Variants in EPG5 observed in about 807,000 individuals in gnomAD.
EPG5 encodes ectopic P-granules 5 autophagy tethering factor.
In EPG5, 159 loss-of-function variants were observed where a neutral mutation model predicts 302.7. That is an observed-to-expected ratio of 0.53 (90% confidence interval 0.46 to 0.60). The LOEUF (loss-of-function observed/expected upper bound fraction) is 0.60, where lower values mean the gene tolerates loss of function less well. Ranked by LOEUF, EPG5 falls within the 20% of genes least tolerant of loss-of-function variation. EPG5 has a pLI of 0.00. For missense variants in EPG5, 2,896 were observed against 3,092.4 expected (o/e 0.94, Z 1.51); for synonymous variants, 1,158 against 1,136.8 (o/e 1.02, Z -0.37).
At chr18:45,827,593 G>A in the EPG5 span, among the ~76,000 whole-genome samples, 1 of 152,234 alleles carries the variant, frequency 6.6e-6, no homozygotes, top group Non-Finnish European at 1.5e-5. Context: ...CCTTGGGCAG[G>A]CTGTCTACCT....
the EPG5 span, chr18:45,842,277 G>C: frequency 6.8e-7 from 1 of 1,464,794 alleles, no homozygotes; most frequent in Non-Finnish European, 9.5e-7. Flanking sequence ...CCTGGTTCTC[G>C]GGCACCTTGG....
chr18:45,891,851 A>C (rs1321131193), intron 27 of EPG5, among the ~76,000 whole-genome samples: 1 of 152,232 alleles, frequency 6.6e-6, no homozygotes, highest in Non-Finnish European at 1.5e-5. Context: ...ATTAAATTTG[A>C]AATCTTTCAA....
At chr18:45,802,208 T>A in the EPG5 span, among the ~76,000 whole-genome samples, 1 of 152,098 alleles carries the variant, frequency 6.6e-6, no homozygotes, top group Admixed American at 6.6e-5. Flanking sequence ...CTACAACAAG[T>A]ACTGGCACTG....
the EPG5 span, chr18:45,837,830 G>A: frequency 6.5e-7 from 1 of 1,535,704 alleles, no homozygotes. Context: ...CTTCTGCCGC[G>A]TCGAGTTCGC....
At chr18:45,921,544 T>C (rs779439959) in intron 16 of EPG5, among the ~76,000 whole-genome samples, 2 of 152,204 alleles carry the variant, frequency 1.3e-5, no homozygotes, top group Non-Finnish European at 2.9e-5. Flanking sequence ...ACTTCTCTCA[T>C]AGAAGTTATA....
chr18:45,964,253 C>T (rs1320589058), intron 1 of EPG5, among the ~76,000 whole-genome samples: 1 of 152,162 alleles, frequency 6.6e-6, no homozygotes, highest in Non-Finnish European at 1.5e-5. Context: ...GCATCTGTAA[C>T]ATTCTATCTA....
intron 10 of EPG5, among the ~76,000 whole-genome samples, chr18:45,936,332 C>T (rs1245943078): frequency 6.6e-6 from 1 of 152,172 alleles, no homozygotes; most frequent in Non-Finnish European, 1.5e-5. Context: ...ATCTCAAAAA[C>T]AATCAGCACT....
intron 10 of EPG5, among the ~76,000 whole-genome samples, chr18:45,937,285 T>C (rs1040707259): frequency 5.4e-5 from 8 of 147,164 alleles, no homozygotes; most frequent in African/African-American, 2.0e-4. Context: ...CACATATGTA[T>C]ACACACACAT....
intron 1 of EPG5, among the ~76,000 whole-genome samples, chr18:45,961,329 C>G (rs565060663): frequency 7.2e-5 from 11 of 152,186 alleles, no homozygotes; most frequent in Non-Finnish European, 1.2e-4. Context: ...TAAAAGCTCA[C>G]GCAAGGCCCA....
At chr18:45,843,877 A>C (rs1220323582), downstream of EPG5, 1 of 152,152 alleles carries the variant, frequency 6.6e-6, no homozygotes, top group African/African-American at 2.4e-5. Flanking sequence ...ACTGTCTCCA[A>C]AGAAAAAAAA....
chr18:45,877,101 T>C (rs913130990), intron 34 of EPG5, among the ~76,000 whole-genome samples: 12 of 152,030 alleles, frequency 7.9e-5, no homozygotes, highest in Non-Finnish European at 1.5e-4. Flanking sequence ...ATTCTTTATA[T>C]GAAAAATTTA....
At position 45,876,273 on chromosome 18, in the gene EPG5, G is replaced by A; in HGVS notation, c.6012C>T (p.Phe2004=). The change falls in exon 35 of 44, where the codon TTC becomes TTT. Residue 2004 remains phenylalanine, a synonymous_variant. Transcript: ENST00000282041. The stretch of plus-strand genomic sequence containing the variant: ...CATGCAGTGAGTCAATACAGTCAGT[G>A]AACAGCTGCACAATGCTTGAGGCCA... ...TVVASSIVQL[F]TDCIDSLHES... is the part of the protein sequence containing the mutation. The A allele has an allele frequency of 6.2e-7, 1 of 1,613,988 alleles. No homozygotes were observed. Among genetic ancestry groups the A allele is most frequent in the Non-Finnish European group, 8.5e-7 (1 of 1,179,898 alleles).
At chr18:45,879,830 G>C (rs914285174) in intron 32 of EPG5, among the ~76,000 whole-genome samples, 1 of 152,102 alleles carries the variant, frequency 6.6e-6, no homozygotes, top group Non-Finnish European at 1.5e-5. Context: ...GATGGGCTAG[G>C]GTGGGCAGGA....
At chr18:45,860,475 A>G in intron 39 of EPG5, 129 bp from the exon 40 acceptor site, 2 of 1,130,832 alleles carry the variant, frequency 1.8e-6, no homozygotes, top group Non-Finnish European at 2.6e-6. Context: ...GCTGACTGCA[A>G]GGGACTGGAA....
intron 26 of EPG5, among the ~76,000 whole-genome samples, chr18:45,900,140 C>T (rs906121969): frequency 2.6e-5 from 4 of 152,124 alleles, no homozygotes; most frequent in Non-Finnish European, 5.9e-5. Context: ...TGGTGGCTCA[C>T]GCCTGTAATC....
chr18:45,815,563 A>C, the EPG5 span, among the ~76,000 whole-genome samples: 1 of 152,184 alleles, frequency 6.6e-6, no homozygotes, highest in Non-Finnish European at 1.5e-5. Context: ...AAAATAAAAT[A>C]CTTACGAATC....
the EPG5 span, chr18:45,838,740 C>G: frequency 6.3e-7 from 1 of 1,580,556 alleles, no homozygotes; most frequent in Non-Finnish European, 8.5e-7. Flanking sequence ...TCGTCAACAT[C>G]TCGGTGCTGC....
In EPG5 at chr18:45,927,593, T is replaced by TACACACACAC. The variant is rs67488772; in HGVS notation, c.2553+1266_2553+1275dup. On this transcript the variant is annotated intron_variant, in intron 13 of 43. Coordinates refer to ENST00000282041, the MANE Select transcript of EPG5 (RefSeq NM_020964.3). The stretch of plus-strand genomic sequence containing the variant: ...GACTGAATGGATAAACAAAAAGTTA[T>TACACACACAC]ACACACACACACACACACACACACA... 3.7e-3 allele frequency among the ~76,000 whole-genome samples: 500 copies of TACACACACAC among 133,478 alleles called. 3 individuals carry two copies. The highest frequency in any genetic ancestry group is 9.3e-3 in the Admixed American group (118 of 12,680). 87.6% of individuals were successfully genotyped at this position (133,478 alleles called of 152,430 possible).
At position 45,965,145 on chromosome 18, in the gene EPG5, T is replaced by A. The variant is rs551121349; in HGVS notation, c.63+2032A>T. Among the ~76,000 whole-genome samples, 1,063 of 152,266 alleles carry A rather than the reference T, an allele frequency of 7.0e-3. 10 individuals carry two copies. The highest frequency in any genetic ancestry group is 0.024 in the African/African-American group (999 of 41,544). ...TAAAAAAGAACAAAATCGTGTCCCC[T>A]GCAGCAACATGGATGCAGTTAGAGG... On this transcript the variant is annotated intron_variant, in intron 1 of 43. Transcript: ENST00000282041.
Sources: gnomAD v4.1 joint callset for allele counts (sites outside exome capture counted in the v4.1 genomes callset) on GRCh38, gnomAD v4.1.1 for gene constraint, MANE v1.5 for transcripts, NCBI Gene and HGNC (gene_info 2026-07-23, HGNC 2026-07-21) for gene names.